LRP5: variants seen among roughly 807,000 people sequenced by gnomAD.
LRP5 encodes the protein LDL receptor related protein 5, also known as low-density lipoprotein receptor-related protein 5.
LRP5 carries 62 observed loss-of-function variants against 154.1 expected under a neutral mutation model. That is an observed-to-expected ratio of 0.40 (90% CI 0.33 to 0.50). The LOEUF (loss-of-function observed/expected upper bound fraction) is 0.50, where lower values mean the gene tolerates loss of function less well. Among genes scored for constraint, LRP5 ranks in the 20% least tolerant of loss-of-function variants. LRP5 has a pLI of 0.55. For missense variants in LRP5, 1,915 were observed against 2,336.7 expected (o/e 0.82, Z 3.72); for synonymous variants, 966 against 1,011.5 (o/e 0.96, Z 0.85).
intron 10 of LRP5, 117 bp from the exon 11 acceptor site, chr11:68,411,319 C>T: frequency 8.8e-7 from 1 of 1,142,696 alleles, no homozygotes; most frequent in South Asian, 1.4e-5. Flanking sequence ...GCGTGGCTTT[C>T]TCCAGGACGG....
chr11:68,374,030 G>A (rs1565355005), intron 5 of LRP5, among the ~76,000 whole-genome samples: 1 of 152,228 alleles, frequency 6.6e-6, no homozygotes, highest in Admixed American at 6.5e-5. Context: ...GCTGGGGTGC[G>A]GCTTGGGGAT....
Position 68,423,667 on chromosome 11 carries a change from C to T in LRP5, c.3206C>T (p.Pro1069Leu). The T allele has an allele frequency of 1.2e-6, 2 of 1,613,568 alleles. No individual in the cohort carries two copies. The highest frequency in any genetic ancestry group is 2.2e-5 in the East Asian group (1 of 44,884). The change falls in exon 14 of 23, where the codon CCC becomes CTC. Residue 1069 changes from proline to leucine, a missense_variant. Around this residue, in one of 3 missense-constraint regions of LRP5, gnomAD observed 1,094 missense variants for 1,210.1 expected, o/e 0.90. Transcript: ENST00000294304. The surrounding 1 kb of genome is among the most constrained non-coding windows in gnomAD (Gnocchi z 4.7). ...GTGCTGCGTGGGGACCGCGACAAGC[C>T]CAGGGCCATCGTCGTCAACGCGGAG... ...GVVLRGDRDK[P>L]RAIVVNAERG...
At chr11:68,418,276 G>A (rs759953261) in intron 13 of LRP5, among the ~76,000 whole-genome samples, 29 of 152,060 alleles carry the variant, frequency 1.9e-4, no homozygotes, top group African/African-American at 2.7e-4. Context: ...GTGGTGGCAC[G>A]CGCCTGTAGT....
At position 68,423,343 on chromosome 11, in the gene LRP5, AGCTCTCCAGCCAGTGCCCAGG is replaced by A. The variant is rs1208845645; in HGVS notation, c.3028-127_3028-107del. The A allele has an allele frequency of 7.2e-5, 55 of 769,216 alleles. No homozygotes were observed. In the East Asian group the frequency reaches 8.4e-4, roughly 12 times the overall value. 47.6% of individuals were successfully genotyped at this position (769,216 alleles called of 1,614,324 possible). The stretch of plus-strand genomic sequence containing the variant: ...AGTGTGGCCTCTGCTGTCCTGCCAG[AGCTCTCCAGCCAGTGCCCAGG>A]GCTCTCCAGCCAGTGCCCGGGGGTC... On this transcript the variant is annotated intron_variant, in intron 13 of 22. Transcript: ENST00000294304. This position sits in a 1 kb window ranked among gnomAD's most constrained non-coding sequence, Gnocchi z 4.7.
At chr11:68,319,148 C>T (rs1435037761) in intron 1 of LRP5, among the ~76,000 whole-genome samples, 3 of 148,534 alleles carry the variant, frequency 2.0e-5, no homozygotes. Flanking sequence ...ACGATCTCGG[C>T]TCACTGTAAC....
intron 1 of LRP5, among the ~76,000 whole-genome samples, chr11:68,343,350 C>T (rs568349328): frequency 2.8e-4 from 42 of 152,008 alleles, no homozygotes; most frequent in African/African-American, 8.4e-4. Context: ...GGGGCCTGGG[C>T]GACAGCACTG....
At chr11:68,431,925 C>A (rs3781586) in intron 17 of LRP5, among the ~76,000 whole-genome samples, 17,909 of 152,264 alleles carry the variant, frequency 0.12, 1,386 homozygotes, top group East Asian at 0.2. Flanking sequence ...TTCCTCACGG[C>A]TCGAGAGACG....
chr11:68,437,066 G>T, intron 19 of LRP5, 67 bp downstream of exon 19: 1 of 1,351,188 alleles, frequency 7.4e-7, no homozygotes, highest in Non-Finnish European at 1.1e-6. Flanking sequence ...TGGAGTTTAG[G>T]GGAGGAGACG....
At position 68,312,788 on chromosome 11, in the gene LRP5, G is replaced by T; in HGVS notation, c.74G>T (p.Cys25Phe). 1 of 1,079,766 alleles carries T rather than the reference G, an allele frequency of 9.3e-7. No individual in the cohort carries two copies. The highest frequency in any genetic ancestry group is 1.1e-6 in the Non-Finnish European group (1 of 886,996). The allele number at this position is 1,079,766 out of a possible 1,614,324, so 66.9% of individuals were successfully genotyped here. A position where few individuals can be genotyped will look rare whatever the true frequency, so the allele number is the denominator to read the frequency against. ...LLLLLLALCG[C>F]PAPAAASPLL... ...CTGCTGCTGCTGGCGCTGTGCGGCTGCCCGGCCCCCGCCGCGGGTAGGTGG... is the reference window on the plus strand; with the variant it reads ...CTGCTGCTGCTGGCGCTGTGCGGCTTCCCGGCCCCCGCCGCGGGTAGGTGG... Residue 25 changes from cysteine to phenylalanine, a missense_variant, in exon 1 of 23, where the codon TGC becomes TTC. This residue lies in a region of LRP5 where 48 missense variants were observed against 25.7 expected (regional missense o/e 1.87). Coordinates refer to ENST00000294304, the MANE Select transcript of LRP5 (RefSeq NM_002335.4).
chr11:68,423,405 G>C lies in LRP5; in HGVS notation c.3028-84G>C, dbSNP rs919968354. 7.6e-5 allele frequency: 99 copies of C among 1,305,752 alleles called. No homozygotes were observed. The highest frequency in any genetic ancestry group is 9.2e-5 in the Non-Finnish European group (83 of 901,092). The allele number at this position is 1,305,752 out of a possible 1,614,324, so 80.9% of individuals were successfully genotyped here. The stretch of plus-strand genomic sequence containing the variant: ...CCCGGGGGTCTCCACCAGTGCCCGG[G>C]GGTCTCCGCCAGTGCCAGGGGTCTC... On this transcript the variant is annotated intron_variant, in intron 13 of 22. Transcript: ENST00000294304. This position sits in a 1 kb window ranked among gnomAD's most constrained non-coding sequence, Gnocchi z 4.7.
chr11:68,361,400 G>T (rs762725293), intron 3 of LRP5, among the ~76,000 whole-genome samples: 2 of 152,092 alleles, frequency 1.3e-5, no homozygotes, highest in African/African-American at 2.4e-5. Flanking sequence ...ACTTTGGGAG[G>T]CCAAGGCAGG....
Position 68,425,050 on chromosome 11 carries a change from T to G in LRP5, c.3237-52T>G, listed in dbSNP as rs554734. The G allele has an allele frequency of 0.31, 488,275 of 1,561,244 alleles. 79,722 individuals carry two copies. The highest frequency in any genetic ancestry group is 0.47 in the African/African-American group (34,746 of 73,802). Reference sequence around the variant, plus strand: ...GCTGGGTGCCCTGGGCTCCGTGCTGTCCGAGGAGACGCCATCCCCACACCC... The same window carrying G: ...GCTGGGTGCCCTGGGCTCCGTGCTGGCCGAGGAGACGCCATCCCCACACCC... On this transcript the variant is annotated intron_variant, in intron 14 of 22. Coordinates refer to ENST00000294304, the MANE Select transcript of LRP5 (RefSeq NM_002335.4).
intron 9 of LRP5, among the ~76,000 whole-genome samples, chr11:68,409,051 GAA>G (rs57069059): frequency 0.022 from 1,120 of 51,336 alleles, 18 homozygotes; most frequent in Admixed American, 0.034. Flanking sequence ...CTTATCTGGG[GAA>G]AAAAAAAAAA....
intron 5 of LRP5, among the ~76,000 whole-genome samples, chr11:68,380,537 G>A (rs1348373732): frequency 2.0e-5 from 3 of 152,216 alleles, no homozygotes; most frequent in Non-Finnish European, 2.9e-5. Context: ...ACATTTGAGC[G>A]CGTTTCCTTC....
At position 68,389,831 on chromosome 11, in the gene LRP5, G is replaced by A. The variant is rs4988320; in HGVS notation, c.1413-50G>A. On this transcript the variant is annotated intron_variant, in intron 6 of 22. Transcript: ENST00000294304. ...CCTTGCTCTTGGCACTGGGGATGCT[G>A]CAGAGACCAGACAGACTCATGGGGT... 0.15 allele frequency: 234,830 copies of A among 1,606,012 alleles called. 19,780 individuals carry two copies. The highest frequency in any genetic ancestry group is 0.32 in the Admixed American group (19,376 of 60,006).
chr11:68,300,982 T>A, the LRP5 span, among the ~76,000 whole-genome samples: 1 of 148,468 alleles, frequency 6.7e-6, no homozygotes, highest in Non-Finnish European at 1.5e-5. Flanking sequence ...CAGGCTGGAG[T>A]GCAATGACGC....
rs189021331 is a variant in LRP5, at chr11:68,434,176, C to T, written c.4000+338C>T. On this transcript the variant is annotated intron_variant, in intron 18 of 22. Transcript: ENST00000294304. The stretch of plus-strand genomic sequence containing the variant: ...ATCCGCCCCCAAAAGACAGTGCTGT[C>T]TCCACTGACCAGTCTGTGGGATAGT... Among the ~76,000 whole-genome samples, 866 of 152,290 alleles carry T rather than the reference C, an allele frequency of 5.7e-3. 28 individuals are homozygous for T. The highest frequency in any genetic ancestry group is 3.4e-3 in the Non-Finnish European group (230 of 68,022).
chr11:68,429,726 G>A (rs2098670897), intron 17 of LRP5, 26 bp downstream of exon 17: 1 of 1,613,646 alleles, frequency 6.2e-7, no homozygotes, highest in Admixed American at 1.7e-5. Context: ...GTGCTCCTTT[G>A]GGGTGATGGA....
chr11:68,413,528 T>C lies in LRP5; in HGVS notation c.2504-161T>C, dbSNP rs1301644219. ...TAATTTTGCTAGATCCTGCCTGCGC[T>C]TCAGTGGATCTTGCTGGTTTTCCAA... On this transcript the variant is annotated intron_variant, in intron 11 of 22. Coordinates refer to ENST00000294304, the MANE Select transcript of LRP5 (RefSeq NM_002335.4). This position sits in a 1 kb window ranked among gnomAD's most constrained non-coding sequence, Gnocchi z 5.1. Among the ~76,000 whole-genome samples, 1 of 152,190 alleles carries C rather than the reference T, an allele frequency of 6.6e-6. No individual in the cohort carries two copies. Among genetic ancestry groups the C allele is most frequent in the Non-Finnish European group, 1.5e-5 (1 of 68,022 alleles).
Sources: gnomAD v4.1 joint callset for allele counts (sites outside exome capture counted in the v4.1 genomes callset) on GRCh38, gnomAD v4.1.1 for gene constraint, gnomAD v4.1.1 regional missense constraint, Gnocchi (gnomAD v3.1) non-coding constraint, MANE v1.5 for transcripts, NCBI Gene and HGNC (gene_info 2026-07-23, HGNC 2026-07-21) for gene names.